RELN: variants seen among roughly 807,000 people sequenced by gnomAD.
The protein encoded by RELN is reelin.
Under a neutral mutation model 427.6 loss-of-function variants are expected in RELN, and 108 were observed. The observed-to-expected ratio is 0.25, with a 90% CI of 0.22 to 0.30. RELN has a LOEUF of 0.30. RELN is among the 10% of genes least tolerant of loss of function. The pLI is 1.00. For missense variants in RELN, 3,715 were observed against 4,302.8 expected (o/e 0.86, Z 3.82); for synonymous variants, 1,524 against 1,513.4 (o/e 1.01, Z -0.16).
At chr7:103,636,797 C>T (rs1183201976) in intron 17 of RELN, among the ~76,000 whole-genome samples, 1 of 152,170 alleles carries the variant, frequency 6.6e-6, no homozygotes, top group African/African-American at 2.4e-5. Context: ...TTATTCATAA[C>T]ACTCATTAAA....
chr7:103,802,675 C>T (rs1792498389), intron 3 of RELN, among the ~76,000 whole-genome samples: 1 of 152,004 alleles, frequency 6.6e-6, no homozygotes, highest in Admixed American at 6.6e-5. Context: ...TTCTAAGTAC[C>T]AATAAAATTG....
At chr7:103,619,239 A>G (rs1429652447) in intron 20 of RELN, among the ~76,000 whole-genome samples, 2 of 152,202 alleles carry the variant, frequency 1.3e-5, no homozygotes, top group East Asian at 3.9e-4. Flanking sequence ...ATTGGGGGGA[A>G]TGTGTCCACT....
At chr7:103,977,623 C>G (rs1357375397) in intron 1 of RELN, among the ~76,000 whole-genome samples, 1 of 152,104 alleles carries the variant, frequency 6.6e-6, no homozygotes, top group Non-Finnish European at 1.5e-5. Context: ...GGATTCATCC[C>G]AATTGTGAGA....
At chr7:103,940,570 T>A (rs1449818493) in intron 1 of RELN, among the ~76,000 whole-genome samples, 1 of 152,130 alleles carries the variant, frequency 6.6e-6, no homozygotes, top group East Asian at 1.9e-4. Flanking sequence ...CCTTTCCATA[T>A]CCCCTTATGT....
At chr7:103,949,517 CTT>C (rs1796291637) in intron 1 of RELN, among the ~76,000 whole-genome samples, 1 of 152,018 alleles carries the variant, frequency 6.6e-6, no homozygotes, top group Non-Finnish European at 1.5e-5. Flanking sequence ...AGACAGCTTC[CTT>C]TTTCTCTCTC....
chr7:103,665,498 G>C lies in RELN; in HGVS notation c.1290-3971C>G, dbSNP rs73406743. Reference sequence around the variant, plus strand: ...GTTGCCCTTGTTAACTCTTCCTAATGAATGTTAGAATCACTTTGTTGAGTT... The same window carrying C: ...GTTGCCCTTGTTAACTCTTCCTAATCAATGTTAGAATCACTTTGTTGAGTT... On this transcript the variant is annotated intron_variant, in intron 11 of 64. Coordinates refer to ENST00000428762, the MANE Select transcript of RELN (RefSeq NM_005045.4). Among the ~76,000 whole-genome samples, 892 of 152,110 alleles carry C rather than the reference G, an allele frequency of 5.9e-3. 9 individuals are homozygous for C. The highest frequency in any genetic ancestry group is 0.021 in the African/African-American group (865 of 41,494).
chr7:103,677,533 A>C (rs1311463827), intron 11 of RELN, among the ~76,000 whole-genome samples: 1 of 148,834 alleles, frequency 6.7e-6, no homozygotes, highest in African/African-American at 2.5e-5. Context: ...CAGGAGGCCA[A>C]GGCGGGCAGA....
At chr7:103,788,124 G>C (rs556653378) in intron 3 of RELN, among the ~76,000 whole-genome samples, 1 of 152,132 alleles carries the variant, frequency 6.6e-6, no homozygotes, top group Admixed American at 6.6e-5. Flanking sequence ...AAAGGGCTTC[G>C]ATAAAATTTA....
intron 64 of RELN, among the ~76,000 whole-genome samples, chr7:103,474,484 C>G (rs1338395611): frequency 6.6e-6 from 1 of 152,158 alleles, no homozygotes; most frequent in African/African-American, 2.4e-5. Flanking sequence ...CTCCCATCCC[C>G]TCCATGTGAC....
At chr7:103,964,145 C>T (rs567581777) in intron 1 of RELN, among the ~76,000 whole-genome samples, 3 of 151,872 alleles carry the variant, frequency 2.0e-5, no homozygotes, top group Non-Finnish European at 2.9e-5. Context: ...GGTGATAGAG[C>T]GAGACCCTGT....
chr7:103,821,822 A>G lies in RELN; in HGVS notation c.473+11715T>C, dbSNP rs138267951. ...AGGCTTTTCACTGTTTATCTTTCCT[A>G]TAAAATTTAGGACATTGCTCTTTGA... On this transcript the variant is annotated intron_variant, in intron 3 of 64. Transcript: ENST00000428762. Among the ~76,000 whole-genome samples the G allele has an allele frequency of 2.0e-4, 30 of 152,224 alleles. No individual in the cohort carries two copies. In the East Asian group the frequency reaches 5.8e-3, roughly 29 times the overall value.
chr7:103,844,045 TC>T (rs1484458592), intron 2 of RELN, among the ~76,000 whole-genome samples: 1 of 152,190 alleles, frequency 6.6e-6, no homozygotes, highest in Non-Finnish European at 1.5e-5. Context: ...TGGTGCCTGC[TC>T]CTGTGACCTG....
chr7:103,589,348 T>C (rs1224581157), intron 28 of RELN, among the ~76,000 whole-genome samples: 1 of 152,264 alleles, frequency 6.6e-6, no homozygotes, highest in Non-Finnish European at 1.5e-5. Context: ...CAACAGTCTT[T>C]AGTATATCTG....
chr7:103,589,678 T>A lies in RELN; in HGVS notation c.4063A>T (p.Ser1355Cys), dbSNP rs1831364343. ...CCTGTGTGATACATGGTGGGCTCAC[T>A]TAGTTCTCTGGAGTTTCCTTCGCAT... ...KGCEGNSREL[S>C]EPTMYHTGDF... The change falls in exon 28 of 65, where the codon AGT (serine) becomes TGT (cysteine). Residue 1355 changes from serine to cysteine, a missense_variant. Physicochemically the swap from Ser to Cys is moderately radical, Grantham distance 112 (BLOSUM62 -1). Coordinates refer to ENST00000428762, the MANE Select transcript of RELN (RefSeq NM_005045.4). The A allele has an allele frequency of 3.7e-6, 6 of 1,614,132 alleles. No individual in the cohort carries two copies. The Admixed American group carries it at 6.7e-5, about 18-fold the overall frequency.
intron 4 of RELN, among the ~76,000 whole-genome samples, chr7:103,767,899 C>T (rs186631735): frequency 1.3e-5 from 2 of 152,080 alleles, no homozygotes; most frequent in Non-Finnish European, 2.9e-5. Context: ...CCTCTTCCCC[C>T]CTCCATCCAG....
intron 28 of RELN, among the ~76,000 whole-genome samples, chr7:103,576,196 A>G (rs1220417865): frequency 6.6e-6 from 1 of 151,938 alleles, no homozygotes; most frequent in Non-Finnish European, 1.5e-5. Flanking sequence ...GCACCTTTGC[A>G]CTCCATCCAG....
chr7:103,866,264 C>G (rs1794194459), intron 2 of RELN, among the ~76,000 whole-genome samples: 1 of 152,086 alleles, frequency 6.6e-6, no homozygotes, highest in Non-Finnish European at 1.5e-5. Context: ...TAAAAGAGCA[C>G]TACAGCTTTA....
chr7:103,980,892 C>T (rs1796980102), intron 1 of RELN, among the ~76,000 whole-genome samples: 1 of 152,056 alleles, frequency 6.6e-6, no homozygotes, highest in Non-Finnish European at 1.5e-5. Context: ...TCCTCATATT[C>T]CTCCATCACA....
At chr7:103,783,494 G>A (rs1356482567) in intron 3 of RELN, among the ~76,000 whole-genome samples, 2 of 152,004 alleles carry the variant, frequency 1.3e-5, no homozygotes, top group Non-Finnish European at 2.9e-5. Flanking sequence ...TGCCCTAATT[G>A]TTTTTATAGT....
Sources: gnomAD v4.1 joint callset for allele counts (sites outside exome capture counted in the v4.1 genomes callset) on GRCh38, gnomAD v4.1.1 for gene constraint, MANE v1.5 for transcripts, NCBI Gene and HGNC (gene_info 2026-07-23, HGNC 2026-07-21) for gene names.